Variants in ADAM12 observed in about 807,000 individuals in gnomAD.
The protein encoded by ADAM12 is disintegrin and metalloproteinase domain-containing protein 12.
A neutral mutation model predicts 106.4 loss-of-function variants in ADAM12; 70 were observed. The observed-to-expected ratio is 0.66, with a 90% CI of 0.54 to 0.80. ADAM12 has a LOEUF of 0.80. ADAM12 is among the 30% of genes least tolerant of loss of function. The pLI is 0.00. For synonymous variants in ADAM12, 420 were observed against 433.5 expected (o/e 0.97, Z 0.39); for missense variants, 1,010 against 1,171.9 (o/e 0.86, Z 2.02).
chr10:126,314,453 C>A (rs1302744385), intron 2 of ADAM12, among the ~76,000 whole-genome samples: 1 of 152,128 alleles, frequency 6.6e-6, no homozygotes, highest in South Asian at 2.1e-4. Context: ...TGGAACATCA[C>A]CTCAATGGGG....
chr10:126,286,617 T>C (rs988029251), intron 2 of ADAM12, among the ~76,000 whole-genome samples: 2 of 152,236 alleles, frequency 1.3e-5, no homozygotes, highest in African/African-American at 4.8e-5. Context: ...ACCACTTTAA[T>C]ATCAGTGTGC....
intron 2 of ADAM12, among the ~76,000 whole-genome samples, chr10:126,317,064 A>G (rs540292169): frequency 4.6e-5 from 7 of 152,304 alleles, no homozygotes; most frequent in Admixed American, 2.6e-4. Flanking sequence ...CTGAAGTTTG[A>G]GAAACATGGA....
chr10:126,075,177 C>T (rs746742295), intron 11 of ADAM12, among the ~76,000 whole-genome samples: 2 of 152,140 alleles, frequency 1.3e-5, no homozygotes, highest in African/African-American at 2.4e-5. Flanking sequence ...CTTTTGATGA[C>T]GAATGGTGAT....
intron 3 of ADAM12, among the ~76,000 whole-genome samples, chr10:126,193,630 C>T (rs1392030355): frequency 2.0e-5 from 3 of 152,162 alleles, no homozygotes; most frequent in Non-Finnish European, 2.9e-5. Flanking sequence ...GGTGCGGTGG[C>T]TCACGCCTGT....
chr10:126,292,202 A>G (rs74158225), intron 2 of ADAM12, among the ~76,000 whole-genome samples: 32,637 of 151,806 alleles, frequency 0.21, 3,566 homozygotes, highest in African/African-American at 0.23. Context: ...TCACCAGCTC[A>G]TTTCACATTT....
chr10:126,067,295 C>T (rs1954890792), intron 12 of ADAM12, among the ~76,000 whole-genome samples: 1 of 152,228 alleles, frequency 6.6e-6, no homozygotes, highest in Non-Finnish European at 1.5e-5. Flanking sequence ...AACCACAATT[C>T]CCTGCAATCT....
intron 2 of ADAM12, among the ~76,000 whole-genome samples, chr10:126,314,778 C>T (rs1423279886): frequency 6.6e-6 from 1 of 152,148 alleles, no homozygotes; most frequent in Non-Finnish European, 1.5e-5. Context: ...CAACCCAACC[C>T]CAAATCTAGC....
Position 126,035,080 on chromosome 10 carries a change from A to G in ADAM12, c.2529+1066T>C, listed in dbSNP as rs146366464. ...TCTCCTCTTGGTAACTGACAGAACT[A>G]CTAGACAGCAACAAATTGAGATATT... On this transcript the variant is annotated intron_variant, in intron 21 of 22. Coordinates refer to ENST00000448723, the MANE Select transcript of ADAM12 (RefSeq NM_001288973.2). 2.6e-3 allele frequency among the ~76,000 whole-genome samples: 397 copies of G among 152,296 alleles called. 1 individual carries two copies. The highest frequency in any genetic ancestry group is 6.8e-3 in the Middle Eastern group (2 of 294).
At chr10:126,338,338 C>T (rs1481335394) in intron 1 of ADAM12, among the ~76,000 whole-genome samples, 2 of 146,260 alleles carry the variant, frequency 1.4e-5, no homozygotes, top group Admixed American at 7.0e-5. Flanking sequence ...CTGCAAGCTC[C>T]GCCTCCCGGG....
chr10:126,183,538 T>A (rs1957350889), intron 3 of ADAM12, among the ~76,000 whole-genome samples: 1 of 152,232 alleles, frequency 6.6e-6, no homozygotes, highest in East Asian at 1.9e-4. Flanking sequence ...GAAACAGCCA[T>A]CTGGGGCAAG....
intron 2 of ADAM12, among the ~76,000 whole-genome samples, chr10:126,303,211 C>A (rs1176029090): frequency 6.6e-6 from 1 of 152,216 alleles, no homozygotes; most frequent in Non-Finnish European, 1.5e-5. Context: ...CCATTCATCA[C>A]TGGGAGCTTT....
intron 21 of ADAM12, among the ~76,000 whole-genome samples, chr10:126,021,946 CTG>C (rs1156292287): frequency 6.6e-6 from 1 of 152,182 alleles, no homozygotes; most frequent in Non-Finnish European, 1.5e-5. Context: ...TAACAGAAAA[CTG>C]TGAGCAAGAC....
chr10:126,290,363 C>T (rs1310721464), intron 2 of ADAM12, among the ~76,000 whole-genome samples: 1 of 152,136 alleles, frequency 6.6e-6, no homozygotes, highest in East Asian at 1.9e-4. Flanking sequence ...GCCCACTGGG[C>T]TTCTGACCTT....
intron 3 of ADAM12, among the ~76,000 whole-genome samples, chr10:126,246,778 A>G (rs1425820798): frequency 6.6e-6 from 1 of 152,198 alleles, no homozygotes; most frequent in African/African-American, 2.4e-5. Context: ...AGCCAACATA[A>G]TGAATGGGCA....
intron 3 of ADAM12, among the ~76,000 whole-genome samples, chr10:126,181,871 G>C (rs186195021): frequency 6.6e-6 from 1 of 152,292 alleles, no homozygotes; most frequent in East Asian, 1.9e-4. Context: ...CTCCTGGTGT[G>C]GAGGGAGCTG....
chr10:126,334,527 C>T (rs1484528918), intron 1 of ADAM12, among the ~76,000 whole-genome samples: 1 of 152,096 alleles, frequency 6.6e-6, no homozygotes, highest in Non-Finnish European at 1.5e-5. Context: ...AAGTGTGTGC[C>T]TGCTTTGCTT....
At chr10:126,387,952 G>A (rs1856734276) in intron 1 of ADAM12, 106 bp downstream of exon 1, 2 of 1,156,638 alleles carry the variant, frequency 1.7e-6, no homozygotes, top group Non-Finnish European at 2.1e-6. Context: ...GAGATGCGCC[G>A]GGGCGCGTCG....
intron 11 of ADAM12, 148 bp downstream of exon 11, chr10:126,093,837 C>T (rs1335149685): frequency 1.9e-5 from 23 of 1,243,166 alleles, no homozygotes; most frequent in Non-Finnish European, 2.6e-5. Context: ...TAGCACAGGC[C>T]ACCCTTGCTT....
At chr10:126,138,986 G>A (rs1466711151) in intron 4 of ADAM12, among the ~76,000 whole-genome samples, 1 of 151,854 alleles carries the variant, frequency 6.6e-6, no homozygotes, top group Non-Finnish European at 1.5e-5. Flanking sequence ...TTTTTCTATT[G>A]AATTGTCTTG....
Sources: gnomAD v4.1 joint callset for allele counts (sites outside exome capture counted in the v4.1 genomes callset) on GRCh38, gnomAD v4.1.1 for gene constraint, MANE v1.5 for transcripts, NCBI Gene and HGNC (gene_info 2026-07-23, HGNC 2026-07-21) for gene names.